RSPO2: variants seen among roughly 807,000 people sequenced by gnomAD.
RSPO2 encodes R-spondin-2.
RSPO2 carries 14 observed loss-of-function variants against 30.9 expected under a neutral mutation model. The ratio of observed to expected loss-of-function variants is 0.45; its 90% confidence interval spans 0.30 to 0.71. The LOEUF (loss-of-function observed/expected upper bound fraction) is 0.71. RSPO2 is among the 30% of genes least tolerant of loss of function. RSPO2 has a pLI of 0.08. For synonymous variants in RSPO2, 107 were observed against 96.4 expected, an observed-to-expected ratio of 1.11 and a Z score of -0.64; for missense variants, 264 against 301.9, an observed-to-expected ratio of 0.87 and a Z score of 0.93.
At chr8:107,988,691 T>C (rs112381877) in intron 3 of RSPO2, among the ~76,000 whole-genome samples, 17 of 152,218 alleles carry the variant, frequency 1.1e-4, no homozygotes, top group African/African-American at 3.4e-4. Flanking sequence ...ACAGCGGTGC[T>C]ATCTCAGCTC....
chr8:108,053,870 C>T (rs560962374), intron 2 of RSPO2, among the ~76,000 whole-genome samples: 4 of 152,158 alleles, frequency 2.6e-5, no homozygotes, highest in Non-Finnish European at 5.9e-5. Context: ...AGTTAGCACC[C>T]CAGCCTGGGC....
chr8:107,906,197 T>C (rs1024497627), intron 5 of RSPO2, among the ~76,000 whole-genome samples: 1 of 151,832 alleles, frequency 6.6e-6, no homozygotes, highest in Non-Finnish European at 1.5e-5. Flanking sequence ...CAGAACATAA[T>C]CTAAACTTGG....
chr8:107,985,801 T>A (rs1394511296), intron 3 of RSPO2, among the ~76,000 whole-genome samples: 1 of 152,198 alleles, frequency 6.6e-6, no homozygotes, highest in African/African-American at 2.4e-5. Context: ...CTAGTGTCTG[T>A]TAGTACATGT....
At chr8:107,918,361 T>C (rs923865449) in intron 5 of RSPO2, among the ~76,000 whole-genome samples, 1 of 152,188 alleles carries the variant, frequency 6.6e-6, no homozygotes, top group Admixed American at 6.6e-5. Context: ...TCTGTTTTCT[T>C]TGTAATGGGA....
At chr8:107,907,087 TG>T (rs949117154) in intron 5 of RSPO2, among the ~76,000 whole-genome samples, 1 of 151,972 alleles carries the variant, frequency 6.6e-6, no homozygotes, top group Non-Finnish European at 1.5e-5. Context: ...ATAATGTAAA[TG>T]GGCATATTTT....
At chr8:108,012,405 C>T (rs778028979) in intron 2 of RSPO2, among the ~76,000 whole-genome samples, 2 of 152,186 alleles carry the variant, frequency 1.3e-5, no homozygotes, top group Non-Finnish European at 2.9e-5. Flanking sequence ...CTACACATTG[C>T]TGTAAGGCAT....
intron 5 of RSPO2, among the ~76,000 whole-genome samples, chr8:107,955,813 G>A (rs1426191903): frequency 6.6e-6 from 1 of 152,112 alleles, no homozygotes; most frequent in African/African-American, 2.4e-5. Context: ...TTAAGGCTGC[G>A]TTTGTGTGCA....
chr8:108,007,857 G>A (rs891517595), intron 2 of RSPO2, among the ~76,000 whole-genome samples: 8 of 152,084 alleles, frequency 5.3e-5, no homozygotes, highest in South Asian at 2.1e-4. Context: ...GGAGGGTCAC[G>A]TGAGCCCAAG....
intron 3 of RSPO2, among the ~76,000 whole-genome samples, chr8:107,984,349 A>G (rs986056514): frequency 7.9e-5 from 12 of 152,252 alleles, no homozygotes; most frequent in Admixed American, 2.0e-4. Context: ...CAAAACCTAA[A>G]TAATATGGTG....
At chr8:108,030,776 T>A (rs903762498) in intron 2 of RSPO2, among the ~76,000 whole-genome samples, 2 of 152,180 alleles carry the variant, frequency 1.3e-5, no homozygotes, top group Non-Finnish European at 2.9e-5. Context: ...GAAAGCCCAA[T>A]TAAAACTCAT....
intron 2 of RSPO2, among the ~76,000 whole-genome samples, chr8:108,074,769 C>T (rs1350689556): frequency 6.6e-6 from 1 of 152,202 alleles, no homozygotes; most frequent in Non-Finnish European, 1.5e-5. Flanking sequence ...GATCCTAGCT[C>T]TGTTCTCTTC....
chr8:107,959,791 C>T (rs629334), intron 4 of RSPO2, among the ~76,000 whole-genome samples: 75,451 of 152,038 alleles, frequency 0.5, 21,638 homozygotes, highest in East Asian at 0.69. Flanking sequence ...TAAATGCACA[C>T]ATTTCTTCAA....
intron 2 of RSPO2, among the ~76,000 whole-genome samples, chr8:108,009,173 C>T (rs751770741): frequency 2.0e-5 from 3 of 152,064 alleles, no homozygotes; most frequent in Non-Finnish European, 2.9e-5. Context: ...TGGTATAAAT[C>T]TCCTAGAATT....
intron 5 of RSPO2, among the ~76,000 whole-genome samples, chr8:107,927,251 C>G (rs1412373830): frequency 1.3e-5 from 2 of 152,118 alleles, no homozygotes; most frequent in East Asian, 3.9e-4. Context: ...GATTTTGTAT[C>G]CTGAGACTTT....
chr8:107,986,421 A>T (rs964987648), intron 3 of RSPO2, among the ~76,000 whole-genome samples: 1 of 152,108 alleles, frequency 6.6e-6, no homozygotes, highest in Non-Finnish European at 1.5e-5. Context: ...TCATATGCAG[A>T]TTTTCTTTCT....
At chr8:107,983,371 G>A (rs1814517059) in intron 3 of RSPO2, 2 of 1,608,928 alleles carry the variant, frequency 1.2e-6, no homozygotes, top group South Asian at 2.2e-5. Flanking sequence ...AAGATTGAAA[G>A]CCCAGCAGAA....
At position 107,958,380 on chromosome 8, in the gene RSPO2, C is replaced by T. The variant is rs1813500895; in HGVS notation, c.428-112G>A. On this transcript the variant is annotated intron_variant, in intron 4 of 5. Transcript: ENST00000276659. Reference sequence around the variant, plus strand: ...AGTGTTCCTTCACTAACCCCACCTTCAGATACCAAAAATTAAGTGGTACAG... The same window carrying T: ...AGTGTTCCTTCACTAACCCCACCTTTAGATACCAAAAATTAAGTGGTACAG... 3.8e-6 allele frequency: 3 copies of T among 779,996 alleles called. No individual in the cohort carries two copies. The Admixed American group carries it at 7.9e-5, about 21-fold the overall frequency. The allele number at this position is 779,996 out of a possible 1,614,324, so 48.3% of individuals were successfully genotyped here. A position where few individuals can be genotyped will look rare whatever the true frequency, so the allele number is the denominator to read the frequency against.
intron 3 of RSPO2, among the ~76,000 whole-genome samples, chr8:107,966,365 A>C (rs894343124): frequency 6.6e-6 from 1 of 152,156 alleles, no homozygotes; most frequent in Non-Finnish European, 1.5e-5. Context: ...CTTACACCTC[A>C]GGATCTTCAG....
rs536578098 is a variant in RSPO2, at chr8:107,900,213, T to G, written c.*862A>C. 1 of 152,276 alleles carries G rather than the reference T, an allele frequency of 6.6e-6. No individual in the cohort carries two copies. The highest frequency in any genetic ancestry group is 2.1e-4 in the South Asian group (1 of 4,828). 9.4% of individuals were successfully genotyped at this position (152,276 alleles called of 1,614,324 possible). On this transcript the variant is annotated 3_prime_UTR_variant, in exon 6 of 6. Coordinates refer to ENST00000276659, the MANE Select transcript of RSPO2 (RefSeq NM_178565.5). ...GATGCCGCCTGCTGCTTTATCTATA[T>G]GTGTGGGACATGTGGAGTGGAGAAG...
Sources: allele counts gnomAD v4.1 joint callset (sites outside exome capture counted in the v4.1 genomes callset), GRCh38; gene constraint gnomAD v4.1.1; transcripts MANE v1.5; gene names NCBI Gene and HGNC (gene_info 2026-07-23, HGNC 2026-07-21).